The following RAD51B variants were observed in gnomAD, a reference collection of about 807,000 sequenced individuals.
RAD51B encodes RAD51 paralog B.
Under a neutral mutation model 42.2 loss-of-function variants are expected in RAD51B, and 38 were observed. That is an observed-to-expected ratio of 0.90 (90% CI 0.70 to 1.18). RAD51B has a LOEUF of 1.18. RAD51B is among the 50% of genes most tolerant of loss of function. The probability of loss-of-function intolerance (pLI) is 0.00; values close to 1 mark genes in which losing one functional copy is unlikely to be tolerated. For missense variants in RAD51B, 373 were observed against 400.7 expected (o/e 0.93, Z 0.59); for synonymous variants, 154 against 145.2 (o/e 1.06, Z -0.43).
At chr14:68,616,722 C>T (rs550013080) in intron 10 of RAD51B, among the ~76,000 whole-genome samples, 3 of 152,200 alleles carry the variant, frequency 2.0e-5, no homozygotes, top group Non-Finnish European at 4.4e-5. Context: ...TGTTAGACCA[C>T]TTGATATTGC....
intron 8 of RAD51B, among the ~76,000 whole-genome samples, chr14:68,299,205 C>T (rs112992538): frequency 6.6e-6 from 1 of 152,012 alleles, no homozygotes; most frequent in Admixed American, 6.5e-5. Flanking sequence ...CACATTAATA[C>T]ACACATTATG....
At chr14:68,510,307 A>G (rs1403629056) in intron 10 of RAD51B, among the ~76,000 whole-genome samples, 1 of 152,252 alleles carries the variant, frequency 6.6e-6, no homozygotes, top group Non-Finnish European at 1.5e-5. Flanking sequence ...GACAGATTTT[A>G]GGAAACAAAA....
At chr14:67,843,368 T>C (rs1288168442) in intron 4 of RAD51B, 4 of 150,090 alleles carry the variant, frequency 2.7e-5, no homozygotes, top group African/African-American at 4.9e-5. Context: ...ACTGGTCTTA[T>C]AGAATGAGTT....
intron 9 of RAD51B, among the ~76,000 whole-genome samples, chr14:68,417,298 AGAG>A (rs1188106203): frequency 6.6e-6 from 1 of 152,230 alleles, no homozygotes; most frequent in African/African-American, 2.4e-5. Flanking sequence ...AGATCCCGCC[AGAG>A]GAGAAGTTCG....
intron 7 of RAD51B, among the ~76,000 whole-genome samples, chr14:68,111,334 G>C (rs1325998171): frequency 6.6e-6 from 1 of 152,094 alleles, no homozygotes; most frequent in African/African-American, 2.4e-5. Context: ...GTTTGAGAAA[G>C]AGCTGTCAGA....
chr14:68,569,941 G>A (rs1889611911), intron 10 of RAD51B, among the ~76,000 whole-genome samples: 1 of 152,240 alleles, frequency 6.6e-6, no homozygotes, highest in Admixed American at 6.5e-5. Context: ...AGGGCTACTG[G>A]AGGGCATGGT....
intron 7 of RAD51B, among the ~76,000 whole-genome samples, chr14:68,146,224 C>T (rs532028329): frequency 2.0e-4 from 31 of 152,086 alleles, no homozygotes; most frequent in Middle Eastern, 6.8e-3. Flanking sequence ...CCTTGGTGGG[C>T]GGAATGCCTG....
chr14:67,834,901 A>G (rs1391230646), intron 3 of RAD51B, among the ~76,000 whole-genome samples, 179 bp from the exon 4 acceptor site: 1 of 152,130 alleles, frequency 6.6e-6, no homozygotes, highest in Non-Finnish European at 1.5e-5. Context: ...CTGTTATGTC[A>G]TATCCCCATA....
At chr14:68,467,525 A>C (rs1231047503) in intron 9 of RAD51B, among the ~76,000 whole-genome samples, 1 of 152,250 alleles carries the variant, frequency 6.6e-6, no homozygotes, top group Non-Finnish European at 1.5e-5. Flanking sequence ...TGACAATGGC[A>C]CAAACGTTAA....
At chr14:68,263,705 T>C (rs1370865561) in intron 7 of RAD51B, among the ~76,000 whole-genome samples, 1 of 152,190 alleles carries the variant, frequency 6.6e-6, no homozygotes, top group Non-Finnish European at 1.5e-5. Flanking sequence ...TTGAGTCAAA[T>C]CAGCAGTCTC....
At chr14:68,101,563 C>T (rs578124324) in intron 7 of RAD51B, among the ~76,000 whole-genome samples, 6 of 152,316 alleles carry the variant, frequency 3.9e-5, no homozygotes, top group African/African-American at 1.4e-4. Context: ...CTTAAAGTTC[C>T]GAAATGATCT....
chr14:68,207,926 A>G (rs777707073), intron 7 of RAD51B, among the ~76,000 whole-genome samples: 1 of 152,124 alleles, frequency 6.6e-6, no homozygotes, highest in Non-Finnish European at 1.5e-5. Flanking sequence ...GGACATTTAC[A>G]TTTAGCTTTT....
At chr14:67,977,867 C>A (rs2075024170) in intron 7 of RAD51B, among the ~76,000 whole-genome samples, 1 of 152,170 alleles carries the variant, frequency 6.6e-6, no homozygotes, top group South Asian at 2.1e-4. Context: ...GTTCTTTCGG[C>A]CACTTTAAAT....
At chr14:68,478,772 A>G (rs563597190), downstream of RAD51B, among the ~76,000 whole-genome samples, 3 of 152,314 alleles carry the variant, frequency 2.0e-5, no homozygotes, top group Non-Finnish European at 2.9e-5. Flanking sequence ...TGAGTGCCCA[A>G]CAGAGTGCTG....
At chr14:68,029,376 A>T (rs1246208840) in intron 7 of RAD51B, among the ~76,000 whole-genome samples, 1 of 152,124 alleles carries the variant, frequency 6.6e-6, no homozygotes, top group Non-Finnish European at 1.5e-5. Flanking sequence ...GAATATTCTA[A>T]ATCTTTTGTT....
At position 68,269,773 on chromosome 14, in the gene RAD51B, T is replaced by G. The variant is rs117209351; in HGVS notation, c.757-22111T>G. Reference sequence around the variant, plus strand: ...CCCCAGCGGTTGCTCAGTAAACACATGTGGACTCAATGAGGGATTGAATTG... The same window carrying G: ...CCCCAGCGGTTGCTCAGTAAACACAGGTGGACTCAATGAGGGATTGAATTG... On this transcript the variant is annotated intron_variant, in intron 7 of 10. Coordinates refer to ENST00000471583, the MANE Select transcript of RAD51B (RefSeq NM_133510.4). Among the ~76,000 whole-genome samples the G allele has an allele frequency of 5.9e-3, 896 of 152,290 alleles. 6 individuals carry two copies. The highest frequency in any genetic ancestry group is 0.015 in the South Asian group (73 of 4,824).
At chr14:68,149,504 G>C (rs1261035680) in intron 7 of RAD51B, 4 of 152,178 alleles carry the variant, frequency 2.6e-5, no homozygotes, top group Non-Finnish European at 5.9e-5. Flanking sequence ...CTATATTTAT[G>C]TGAGTCTGTT....
chr14:68,599,646 G>C (rs886912391), downstream of RAD51B, among the ~76,000 whole-genome samples: 3 of 152,208 alleles, frequency 2.0e-5, no homozygotes, highest in African/African-American at 4.8e-5. Context: ...CAGCTCAGTG[G>C]AAATGTTATT....
intron 7 of RAD51B, among the ~76,000 whole-genome samples, chr14:67,923,606 A>C (rs1027784802): frequency 6.6e-6 from 1 of 152,032 alleles, no homozygotes; most frequent in Non-Finnish European, 1.5e-5. Flanking sequence ...GCAGTATATC[A>C]CATTTTCTTT....
Sources: gnomAD v4.1 joint callset for allele counts (sites outside exome capture counted in the v4.1 genomes callset) on GRCh38, gnomAD v4.1.1 for gene constraint, MANE v1.5 for transcripts, NCBI Gene and HGNC (gene_info 2026-07-23, HGNC 2026-07-21) for gene names.